Variants in GASK1B observed in about 807,000 individuals in gnomAD.
The protein encoded by GASK1B is Golgi-associated kinase 1B.
GASK1B carries 34 observed loss-of-function variants against 42.8 expected under a neutral mutation model. The observed-to-expected ratio is 0.79, with a 90% CI of 0.60 to 1.06. The LOEUF (loss-of-function observed/expected upper bound fraction) is 1.06, where lower values mean the gene tolerates loss of function less well. GASK1B is among the 50% of genes least tolerant of loss of function. The probability of loss-of-function intolerance (pLI) is 0.00; values close to 1 mark genes in which losing one functional copy is unlikely to be tolerated. For synonymous variants in GASK1B, 262 were observed against 259.1 expected (o/e 1.01, Z -0.11); for missense variants, 686 against 661.0 (o/e 1.04, Z -0.42).
At chr4:158,132,857 T>C (rs964164606) in intron 3 of GASK1B, among the ~76,000 whole-genome samples, 2 of 152,154 alleles carry the variant, frequency 1.3e-5, no homozygotes, top group African/African-American at 4.8e-5. Context: ...AAAAGTCACA[T>C]AGACTGACTC....
chr4:158,160,283 T>G (rs1366267744), intron 2 of GASK1B, among the ~76,000 whole-genome samples: 1 of 152,130 alleles, frequency 6.6e-6, no homozygotes, highest in Non-Finnish European at 1.5e-5. Context: ...TTCATGATTT[T>G]TAAAAACAGT....
intron 2 of GASK1B, among the ~76,000 whole-genome samples, chr4:158,165,204 G>A (rs192669231): frequency 3.3e-5 from 5 of 152,332 alleles, no homozygotes; most frequent in East Asian, 1.9e-4. Flanking sequence ...GCAGACTACA[G>A]GGGAAGCTCT....
Position 158,141,597 on chromosome 4 carries a change from C to CATTTTTTTTTTTTTTTTTTTTTTTTTT in GASK1B, c.1126-10586_1126-10585insAAAAAAAAAAAAAAAAAAAAAAAAAAT, listed in dbSNP as rs1553958620. ...CATAGGTCAGTGCCTTTGTATTTACCTTTTTTTTTTTTTTTTTTTTTTTTT... is the reference window on the plus strand; with the variant it reads ...CATAGGTCAGTGCCTTTGTATTTACCATTTTTTTTTTTTTTTTTTTTTTTTTTTTTTTTTTTTTTTTTTTTTTTTTTT... On this transcript the variant is annotated intron_variant, in intron 3 of 4. Transcript: ENST00000585682. Among the ~76,000 whole-genome samples the CATTTTTTTTTTTTTTTTTTTTTTTTTT allele has an allele frequency of 1.8e-5, 2 of 113,694 alleles. 1 individual carries two copies. Among genetic ancestry groups the CATTTTTTTTTTTTTTTTTTTTTTTTTT allele is most frequent in the African/African-American group, 6.9e-5 (2 of 28,906 alleles). 74.6% of individuals were successfully genotyped at this position (113,694 alleles called of 152,430 possible).
At chr4:158,155,874 G>C (rs1560788580) in intron 2 of GASK1B, 49 bp from the exon 3 acceptor site, 2 of 1,538,290 alleles carry the variant, frequency 1.3e-6, no homozygotes, top group African/African-American at 1.4e-5. Flanking sequence ...ATTGACTCAG[G>C]GTGTGTCTTT....
At chr4:158,140,493 G>T (rs1367018704) in intron 3 of GASK1B, among the ~76,000 whole-genome samples, 1 of 152,068 alleles carries the variant, frequency 6.6e-6, no homozygotes, top group Non-Finnish European at 1.5e-5. Context: ...CATATACATT[G>T]AGCCCAATGA....
rs559152086 is a variant in GASK1B, at chr4:158,137,547, C to T, written c.1126-6535G>A. ...CTTGATGAAAACCACTGTATGGTTGCCATATTATCAATAGAACTAGAGTTG... is the reference window on the plus strand; with the variant it reads ...CTTGATGAAAACCACTGTATGGTTGTCATATTATCAATAGAACTAGAGTTG... On this transcript the variant is annotated intron_variant, in intron 3 of 4. Coordinates refer to ENST00000585682, the MANE Select transcript of GASK1B (RefSeq NM_001128424.2). Among the ~76,000 whole-genome samples the T allele has an allele frequency of 8.5e-5, 13 of 152,218 alleles. No individual in the cohort carries two copies. The East Asian group carries it at 1.9e-3, about 23-fold the overall frequency.
rs991341253 is a variant in GASK1B, at chr4:158,131,630, G to A, written c.1126-618C>T. 2.6e-5 allele frequency among the ~76,000 whole-genome samples: 4 copies of A among 152,108 alleles called. No homozygotes were observed. The South Asian group carries it at 8.3e-4, about 31-fold the overall frequency. ...TACTGAAGTTTATTATGGGAGTTAA[G>A]GATACCACCCTATAGAAGAGGGTAA... On this transcript the variant is annotated intron_variant, in intron 3 of 4. Transcript: ENST00000585682.
chr4:158,139,683 A>G (rs1285925898), intron 3 of GASK1B, among the ~76,000 whole-genome samples: 9 of 152,206 alleles, frequency 5.9e-5, no homozygotes, highest in Non-Finnish European at 1.0e-4. Flanking sequence ...AGTATGCATT[A>G]AATTCATATA....
chr4:158,128,196 G>T (rs1352468082), intron 4 of GASK1B, among the ~76,000 whole-genome samples: 3 of 152,146 alleles, frequency 2.0e-5, no homozygotes, highest in Non-Finnish European at 4.4e-5. Context: ...TACTCCTGGA[G>T]CTCTGAGGAT....
At position 158,125,568 on chromosome 4, in the gene GASK1B, T is replaced by C. The variant is rs1730418597; in HGVS notation, c.*1839A>G. The C allele has an allele frequency of 6.6e-6, 1 of 152,204 alleles. No individual in the cohort carries two copies. Among genetic ancestry groups the C allele is most frequent in the South Asian group, 2.1e-4 (1 of 4,822 alleles). 9.4% of individuals were successfully genotyped at this position (152,204 alleles called of 1,614,324 possible). ...AGGCTAATTTTCATTAAGAGGATGATTTATAAGAGAAGAAAAGGATCTTAA... is the reference window on the plus strand; with the variant it reads ...AGGCTAATTTTCATTAAGAGGATGACTTATAAGAGAAGAAAAGGATCTTAA... On this transcript the variant is annotated 3_prime_UTR_variant, in exon 5 of 5. Coordinates refer to ENST00000585682, the MANE Select transcript of GASK1B (RefSeq NM_001128424.2).
At chr4:158,158,412 A>G (rs1285278144) in intron 2 of GASK1B, among the ~76,000 whole-genome samples, 1 of 152,108 alleles carries the variant, frequency 6.6e-6, no homozygotes, top group African/African-American at 2.4e-5. Flanking sequence ...ATAAACAGAT[A>G]AATGTCAAGT....
chr4:158,160,043 A>G (rs1731910824), intron 2 of GASK1B, among the ~76,000 whole-genome samples: 2 of 152,112 alleles, frequency 1.3e-5, no homozygotes, highest in South Asian at 4.1e-4. Context: ...TTTCTCTTGC[A>G]CGGGCCATGT....
intron 2 of GASK1B, chr4:158,169,456 G>A (rs547714861): frequency 2.0e-5 from 3 of 152,250 alleles, no homozygotes; most frequent in South Asian, 4.1e-4. Flanking sequence ...AATGCAGTTG[G>A]GTCTCAGCCA....
In GASK1B at chr4:158,129,998, A is replaced by G. The variant is rs565606918; in HGVS notation, c.1352+788T>C. Reference sequence around the variant, plus strand: ...TTTATTTCCAATAGATGTATGATCAAGTGTGCCATGAGCAACCACTGTGTT... The same window carrying G: ...TTTATTTCCAATAGATGTATGATCAGGTGTGCCATGAGCAACCACTGTGTT... On this transcript the variant is annotated intron_variant, in intron 4 of 4. Transcript: ENST00000585682. 1.5e-4 allele frequency among the ~76,000 whole-genome samples: 23 copies of G among 152,306 alleles called. No homozygotes were observed. The South Asian group carries it at 4.8e-3, about 32-fold the overall frequency.
intron 3 of GASK1B, among the ~76,000 whole-genome samples, chr4:158,137,981 A>C (rs945415680): frequency 1.3e-5 from 2 of 152,198 alleles, no homozygotes; most frequent in African/African-American, 4.8e-5. Context: ...CCTCTACTTT[A>C]GAATTCCATG....
At position 158,155,616 on chromosome 4, in the gene GASK1B, A is replaced by G; in HGVS notation, c.1120T>C (p.Leu374=). ...GCTTGATTTGATAAACTTACCTGTA[A>G]CAAAAAATCAAAGAGTGCCATCTTG... ...WSKMALFDFL[L]QIYNRLDTNC... Residue 374 remains leucine (L), a synonymous_variant, in exon 3 of 5, where the codon TTA becomes CTA. Coordinates refer to ENST00000585682, the MANE Select transcript of GASK1B (RefSeq NM_001128424.2). 6.2e-7 allele frequency: 1 copy of G among 1,613,050 alleles called. No individual in the cohort carries two copies. Among genetic ancestry groups the G allele is most frequent in the Non-Finnish European group, 8.5e-7 (1 of 1,179,196 alleles).
chr4:158,166,425 G>C (rs1732232449), intron 2 of GASK1B, among the ~76,000 whole-genome samples: 1 of 152,178 alleles, frequency 6.6e-6, no homozygotes, highest in Non-Finnish European at 1.5e-5. Flanking sequence ...AATCAACAGA[G>C]AGCTTTATCT....
At chr4:158,165,278 A>AT (rs1732185428) in intron 2 of GASK1B, among the ~76,000 whole-genome samples, 2 of 152,112 alleles carry the variant, frequency 1.3e-5, no homozygotes, top group Non-Finnish European at 2.9e-5. Flanking sequence ...TATTTTCTTG[A>AT]TTTTTACATG....
At chr4:158,160,958 G>A (rs974045582) in intron 2 of GASK1B, among the ~76,000 whole-genome samples, 3 of 152,050 alleles carry the variant, frequency 2.0e-5, no homozygotes, top group Non-Finnish European at 4.4e-5. Context: ...GCTGGGAGAG[G>A]GGGTTAGATG....
Sources: allele counts gnomAD v4.1 joint callset (sites outside exome capture counted in the v4.1 genomes callset), GRCh38; gene constraint gnomAD v4.1.1; transcripts MANE v1.5; gene names NCBI Gene and HGNC (gene_info 2026-07-23, HGNC 2026-07-21).